The following DIPK1A variants were observed in gnomAD, a reference collection of about 807,000 sequenced individuals.
DIPK1A encodes divergent protein kinase domain 1A.
Under a neutral mutation model 40.8 loss-of-function variants are expected in DIPK1A, and 27 were observed. That is an observed-to-expected ratio of 0.66 (90% CI 0.49 to 0.91). The LOEUF (loss-of-function observed/expected upper bound fraction) is 0.91, where lower values mean the gene tolerates loss of function less well. Among genes scored for constraint, DIPK1A ranks in the 40% least tolerant of loss-of-function variants. The pLI, the probability that DIPK1A is intolerant of heterozygous loss-of-function variation, is 0.00. For missense variants in DIPK1A, 412 were observed against 505.7 expected (o/e 0.81, Z 1.78); for synonymous variants, 166 against 171.3 (o/e 0.97, Z 0.24).
intron 1 of DIPK1A, among the ~76,000 whole-genome samples, chr1:92,898,272 T>G: frequency 6.6e-6 from 1 of 152,154 alleles, no homozygotes; most frequent in Non-Finnish European, 1.5e-5. Context: ...TGTCACATGG[T>G]GAAGAGAGCA....
chr1:92,865,459 T>C (rs1249169353), intron 2 of DIPK1A, among the ~76,000 whole-genome samples: 1 of 152,200 alleles, frequency 6.6e-6, no homozygotes, highest in East Asian at 1.9e-4. Context: ...AATGGATTTT[T>C]CCAAGCACAT....
At chr1:92,922,143 G>A (rs1008860458) in intron 1 of DIPK1A, among the ~76,000 whole-genome samples, 9 of 151,518 alleles carry the variant, frequency 5.9e-5, no homozygotes, top group Non-Finnish European at 1.0e-4. Context: ...TTTGGCTTTC[G>A]TTTCACTATT....
intron 1 of DIPK1A, among the ~76,000 whole-genome samples, chr1:92,906,518 C>G (rs1321347542): frequency 6.6e-6 from 1 of 152,024 alleles, no homozygotes; most frequent in African/African-American, 2.4e-5. Context: ...CAATAAAATG[C>G]AGATATAAAA....
chr1:92,837,268 C>A (rs760717916), downstream of DIPK1A: 1 of 769,786 alleles, frequency 1.3e-6, no homozygotes, highest in Admixed American at 1.7e-5. Context: ...TCTTTTCTGT[C>A]CTGGAATTCA....
chr1:92,959,709 C>G (rs1238557747), intron 1 of DIPK1A, among the ~76,000 whole-genome samples: 1 of 151,218 alleles, frequency 6.6e-6, no homozygotes, highest in Non-Finnish European at 1.5e-5. Flanking sequence ...CCTCGGCCTC[C>G]CAAAGTGCAT....
chr1:92,837,411 TA>T, downstream of DIPK1A: 1 of 1,531,986 alleles, frequency 6.5e-7, no homozygotes. Flanking sequence ...ACTAGTAAAC[TA>T]AGTTAAGTGA....
At chr1:92,959,095 G>A (rs1433620401) in intron 1 of DIPK1A, among the ~76,000 whole-genome samples, 1 of 152,048 alleles carries the variant, frequency 6.6e-6, no homozygotes, top group Non-Finnish European at 1.5e-5. Context: ...AGACTAGCCT[G>A]GGCAACACGG....
At chr1:92,961,241 G>C (rs1446163675) in intron 1 of DIPK1A, 135 bp downstream of exon 1, 21 of 432,032 alleles carry the variant, frequency 4.9e-5, no homozygotes, top group Non-Finnish European at 6.9e-5. Flanking sequence ...CCAGGTGCCG[G>C]ACGGCAGGGG....
chr1:92,960,412 T>C (rs1174562111), intron 1 of DIPK1A, among the ~76,000 whole-genome samples: 1 of 152,180 alleles, frequency 6.6e-6, no homozygotes, highest in East Asian at 1.9e-4. Flanking sequence ...GGTAAAGGAA[T>C]ACTGTCCTCT....
At chr1:92,912,685 G>A (rs1649876980) in intron 1 of DIPK1A, among the ~76,000 whole-genome samples, 1 of 152,010 alleles carries the variant, frequency 6.6e-6, no homozygotes, top group Non-Finnish European at 1.5e-5. Flanking sequence ...AAACCCAAGT[G>A]GTTATAAAAA....
chr1:92,851,052 A>C, intron 2 of DIPK1A, 97 bp from the exon 3 acceptor site: 1 of 762,940 alleles, frequency 1.3e-6, no homozygotes, highest in Non-Finnish European at 2.1e-6. Flanking sequence ...GTTCTATGAC[A>C]AAAAGAACTG....
At chr1:92,856,544 A>G (rs1571061717) in intron 2 of DIPK1A, among the ~76,000 whole-genome samples, 1 of 152,152 alleles carries the variant, frequency 6.6e-6, no homozygotes, top group East Asian at 1.9e-4. Context: ...CGGCCTCCCA[A>G]GTAGCTGGGA....
chr1:92,916,302 C>CTTTTTTTT (rs869037202), intron 1 of DIPK1A, among the ~76,000 whole-genome samples: 5 of 134,786 alleles, frequency 3.7e-5, no homozygotes, highest in Non-Finnish European at 4.8e-5. Flanking sequence ...TCCTTTTTTT[C>CTTTTTTTT]TTTTTTTTTT....
chr1:92,947,515 C>G (rs1651422356), intron 1 of DIPK1A, among the ~76,000 whole-genome samples: 4 of 152,090 alleles, frequency 2.6e-5, no homozygotes, highest in Admixed American at 2.0e-4. Context: ...ATTAGTACAG[C>G]CATTATGGGA....
intron 1 of DIPK1A, among the ~76,000 whole-genome samples, chr1:92,943,018 G>T (rs561511456): frequency 6.6e-6 from 1 of 152,196 alleles, no homozygotes. Context: ...GATAAATAGG[G>T]TAGGTAAATA....
intron 1 of DIPK1A, among the ~76,000 whole-genome samples, chr1:92,938,268 C>T (rs1397997378): frequency 1.3e-5 from 2 of 151,756 alleles, no homozygotes; most frequent in Non-Finnish European, 2.9e-5. Context: ...TGGTGGTGCA[C>T]ACCTGTAATC....
chr1:92,840,938 G>A, downstream of DIPK1A: 1 of 492,388 alleles, frequency 2.0e-6, no homozygotes, highest in Middle Eastern at 4.3e-4. Flanking sequence ...GGAATAGAAA[G>A]TAATACTTAA....
chr1:92,925,678 G>A (rs569395006), intron 1 of DIPK1A, among the ~76,000 whole-genome samples: 1 of 152,144 alleles, frequency 6.6e-6, no homozygotes, highest in South Asian at 2.1e-4. Context: ...ATTTTTAGTA[G>A]AGATGGGGGG....
intron 1 of DIPK1A, among the ~76,000 whole-genome samples, chr1:92,926,864 A>G (rs1286385844): frequency 6.6e-6 from 1 of 152,126 alleles, no homozygotes; most frequent in African/African-American, 2.4e-5. Context: ...CCATCCTTTT[A>G]CTTTGAAGCT....
Sources: allele counts gnomAD v4.1 joint callset (sites outside exome capture counted in the v4.1 genomes callset), GRCh38; gene constraint gnomAD v4.1.1; transcripts MANE v1.5; gene names NCBI Gene and HGNC (gene_info 2026-07-23, HGNC 2026-07-21).